The following FCER1G variants were observed in gnomAD, a reference collection of about 807,000 sequenced individuals.
The protein encoded by FCER1G is Fc epsilon receptor Ig.
A neutral mutation model predicts 17.3 loss-of-function variants in FCER1G; 7 were observed. The ratio of observed to expected loss-of-function variants is 0.40; its 90% CI spans 0.23 to 0.76. FCER1G has a LOEUF of 0.76. Among genes scored for constraint, FCER1G ranks in the 30% least tolerant of loss-of-function variants. The probability of loss-of-function intolerance (pLI) is 0.35; values close to 1 mark genes in which losing one functional copy is unlikely to be tolerated. For synonymous variants in FCER1G, 35 were observed against 38.7 expected (o/e 0.90, Z 0.35); for missense variants, 87 against 97.7 (o/e 0.89, Z 0.46).
intron 4 of FCER1G, 76 bp from the exon 5 acceptor site, chr1:161,218,805 G>T: frequency 6.3e-7 from 1 of 1,580,732 alleles, no homozygotes; most frequent in Non-Finnish European, 8.7e-7. Context: ...CCGGTGGGGG[G>T]AGGGGGGTCC....
intron 1 of FCER1G, among the ~76,000 whole-genome samples, chr1:161,216,361 T>TAC (rs1218847328): frequency 8.9e-4 from 122 of 137,562 alleles, no homozygotes; most frequent in Middle Eastern, 3.8e-3. Flanking sequence ...TCTATCTATA[T>TAC]ACACACACAC....
At chr1:161,217,608 C>A (rs1449821550) in intron 1 of FCER1G, among the ~76,000 whole-genome samples, 1 of 152,050 alleles carries the variant, frequency 6.6e-6, no homozygotes, top group Non-Finnish European at 1.5e-5. Flanking sequence ...CCTCCCACTA[C>A]CCATCTTGGC....
intron 1 of FCER1G, among the ~76,000 whole-genome samples, chr1:161,216,153 C>T (rs181636561): frequency 6.6e-6 from 1 of 151,906 alleles, no homozygotes; most frequent in Non-Finnish European, 1.5e-5. Flanking sequence ...GAGCTGATCT[C>T]TAGCTGGTTT....
At chr1:161,216,524 G>A (rs1336695936) in intron 1 of FCER1G, among the ~76,000 whole-genome samples, 2 of 151,760 alleles carry the variant, frequency 1.3e-5, no homozygotes, top group Non-Finnish European at 2.9e-5. Context: ...ACAAACAGAC[G>A]GGATTGCTGT....
intron 1 of FCER1G, 31 bp from the exon 2 acceptor site, chr1:161,217,955 C>T (rs1404729148): frequency 5.4e-6 from 8 of 1,492,470 alleles, no homozygotes; most frequent in Non-Finnish European, 7.5e-6. Context: ...CCTGATACCC[C>T]CGACCCCATG....
At chr1:161,217,445 C>A (rs181280354) in intron 1 of FCER1G, among the ~76,000 whole-genome samples, 1 of 137,772 alleles carries the variant, frequency 7.3e-6, no homozygotes, top group Non-Finnish European at 1.5e-5. Flanking sequence ...CAGAAAGCAA[C>A]AAGGCTGAGG....
chr1:161,218,713 G>C lies in FCER1G; in HGVS notation c.188G>C (p.Gly63Ala), dbSNP rs753109167. 1.9e-6 allele frequency: 3 copies of C among 1,613,926 alleles called. No individual in the cohort carries two copies. Among genetic ancestry groups the C allele is most frequent in the Admixed American group, 1.7e-5 (1 of 60,000 alleles). Reference sequence around the variant, plus strand: ...CTTTTGTCTCTGCAGAAATCAGATGGTGTTTACACGGTAAGTGTGCCTACC... The same window carrying C: ...CTTTTGTCTCTGCAGAAATCAGATGCTGTTTACACGGTAAGTGTGCCTACC... ...AAITSYEKSD[G>A]VYTGLSTRNQ... The change falls in exon 4 of 5, where the codon GGT becomes GCT. Residue 63 changes from glycine to alanine, a missense_variant. Coordinates refer to ENST00000289902, the MANE Select transcript of FCER1G (RefSeq NM_004106.2).
chr1:161,218,956 T>A lies in FCER1G; in HGVS notation c.*13T>A. 6.2e-7 allele frequency: 1 copy of A among 1,601,584 alleles called. No individual in the cohort carries two copies. The highest frequency in any genetic ancestry group is 8.6e-7 in the Non-Finnish European group (1 of 1,168,546). ...ACCACCACAGTAGCTTTAGAATAGA[T>A]GCGGTCATATTCTTCTTTGGCTTCT... On this transcript the variant is annotated 3_prime_UTR_variant, in exon 5 of 5. Coordinates refer to ENST00000289902, the MANE Select transcript of FCER1G (RefSeq NM_004106.2).
chr1:161,216,469 G>A (rs973801698), intron 1 of FCER1G, among the ~76,000 whole-genome samples: 25 of 149,230 alleles, frequency 1.7e-4, no homozygotes, highest in Non-Finnish European at 3.1e-4. Flanking sequence ...TAGGAAGGTA[G>A]GACTCTGTTC....
chr1:161,216,591 A>C (rs921424589), intron 1 of FCER1G, among the ~76,000 whole-genome samples: 2 of 152,186 alleles, frequency 1.3e-5, no homozygotes, highest in African/African-American at 4.8e-5. Context: ...GAGGGTGGGC[A>C]GCATGAGATC....
rs1005789364 is a variant in FCER1G at position 161,215,342 on chromosome 1, G to A, written c.21G>A (p.Leu7=). 6.2e-7 allele frequency: 1 copy of A among 1,613,820 alleles called. No individual in the cohort carries two copies. Among genetic ancestry groups the A allele is most frequent in the Non-Finnish European group, 8.5e-7 (1 of 1,179,824 alleles). ...CCAAGATGATTCCAGCAGTGGTCTT[G>A]CTCTTACTCCTTTTGGTTGAACAAG... The part of the protein sequence containing the change: MIPAVV[L]LLLLLVEQAA... The change falls in exon 1 of 5, where the codon TTG becomes TTA. Residue 7 remains leucine (L), a synonymous_variant. Coordinates refer to ENST00000289902, the MANE Select transcript of FCER1G (RefSeq NM_004106.2).
At position 161,215,349 on chromosome 1, in the gene FCER1G, C is replaced by A. The variant is rs764131080; in HGVS notation, c.28C>A (p.Leu10Ile). 1.1e-5 allele frequency: 17 copies of A among 1,613,664 alleles called. No homozygotes were observed. The highest frequency in any genetic ancestry group is 9.3e-5 in the African/African-American group (7 of 74,882). The change falls in exon 1 of 5, where the codon CTC becomes ATC. Residue 10 changes from leucine to isoleucine, a missense_variant. Physicochemically the swap from Leu to Ile is conservative, Grantham distance 5 (BLOSUM62 2). Transcript: ENST00000289902. MIPAVVLLLLLLVEQAAALG... is the reference protein window; with the variant it reads MIPAVVLLLILLVEQAAALG... ...GATTCCAGCAGTGGTCTTGCTCTTA[C>A]TCCTTTTGGTTGAACAAGCAGGTAA...
At chr1:161,217,959 C>T (rs758159298) in intron 1 of FCER1G, 27 bp from the exon 2 acceptor site, 3 of 1,506,702 alleles carry the variant, frequency 2.0e-6, no homozygotes, top group Non-Finnish European at 2.8e-6. Context: ...ATACCCCCGA[C>T]CCCATGGGCA....
intron 3 of FCER1G, 113 bp from the exon 4 acceptor site, chr1:161,218,590 C>T: frequency 9.1e-7 from 1 of 1,101,994 alleles, no homozygotes; most frequent in Non-Finnish European, 1.4e-6. Flanking sequence ...TGAGTGCCCT[C>T]TAGCCCAAGG....
chr1:161,216,263 G>T (rs1203214863), intron 1 of FCER1G, among the ~76,000 whole-genome samples: 2 of 150,208 alleles, frequency 1.3e-5, no homozygotes, highest in Non-Finnish European at 3.0e-5. Context: ...AGTGAGCCAA[G>T]ATCGCACCAC....
rs1290423809 is a variant in FCER1G at position 161,216,379 on chromosome 1, C to T, written c.49+1009C>T. Among the ~76,000 whole-genome samples the T allele has an allele frequency of 6.7e-4, 51 of 76,086 alleles. No individual in the cohort carries two copies. The East Asian group carries it at 8.1e-3, about 12-fold the overall frequency. 49.9% of individuals were successfully genotyped at this position (76,086 alleles called of 152,430 possible). ...ATCTATATACACACACACACACATA[C>T]ACACACACACACACACACACACACA... On this transcript the variant is annotated intron_variant, in intron 1 of 4. Transcript: ENST00000289902.
chr1:161,218,765 A>T (rs375133827), intron 4 of FCER1G, 42 bp downstream of exon 4: 2 of 1,598,588 alleles, frequency 1.3e-6, no homozygotes, highest in Non-Finnish European at 1.7e-6. Flanking sequence ...TCAGCAGAAG[A>T]GGGTGGGATT....
chr1:161,216,435 G>T (rs1236551619), intron 1 of FCER1G, among the ~76,000 whole-genome samples: 4 of 150,714 alleles, frequency 2.7e-5, no homozygotes, highest in East Asian at 1.9e-4. Context: ...TATAGAGAGA[G>T]AGAGAGAGAG....
At position 161,218,049 on chromosome 1, in the gene FCER1G, T is replaced by A; in HGVS notation, c.113T>A (p.Val38Asp). Reference sequence around the variant, plus strand: ...GCCATCCTGTTTCTGTATGGAATTGTCCTCACCCTCCTCTACTGTCGACTG... The same window carrying A: ...GCCATCCTGTTTCTGTATGGAATTGACCTCACCCTCCTCTACTGTCGACTG... ...LDAILFLYGI[V>D]LTLLYCRLKI... Residue 38 changes from valine to aspartate, a missense_variant, in exon 2 of 5, where the codon GTC (valine) becomes GAC (aspartate). Physicochemically the swap from Val to Asp is radical, Grantham distance 152. Coordinates refer to ENST00000289902, the MANE Select transcript of FCER1G (RefSeq NM_004106.2). 6.2e-7 allele frequency: 1 copy of A among 1,613,884 alleles called. No individual in the cohort carries two copies. The highest frequency in any genetic ancestry group is 8.5e-7 in the Non-Finnish European group (1 of 1,179,824).
Sources: allele counts gnomAD v4.1 joint callset (sites outside exome capture counted in the v4.1 genomes callset), GRCh38; gene constraint gnomAD v4.1.1; transcripts MANE v1.5; gene names NCBI Gene and HGNC (gene_info 2026-07-23, HGNC 2026-07-21).